DNAH8: variants seen among roughly 807,000 people sequenced by gnomAD.
The protein encoded by DNAH8 is axonemal beta dynein heavy chain 8.
In DNAH8, 382 loss-of-function variants were observed where a neutral mutation model predicts 562.1. The observed-to-expected ratio is 0.68, with a 90% CI of 0.63 to 0.74. The LOEUF (loss-of-function observed/expected upper bound fraction) is 0.74, where lower values mean the gene tolerates loss of function less well. DNAH8 is among the 30% of genes least tolerant of loss of function. The probability of loss-of-function intolerance (pLI) is 0.00; values close to 1 mark genes in which losing one functional copy is unlikely to be tolerated. For synonymous variants in DNAH8, 1,881 were observed against 1,919.4 expected (o/e 0.98, Z 0.52); for missense variants, 5,203 against 5,620.4 (o/e 0.93, Z 2.37).
At chr6:38,739,377 C>T (rs1209817262) in intron 7 of DNAH8, among the ~76,000 whole-genome samples, 1 of 152,182 alleles carries the variant, frequency 6.6e-6, no homozygotes, top group Non-Finnish European at 1.5e-5. Context: ...TTATTAAATG[C>T]TTTCCTACTC....
intron 62 of DNAH8, among the ~76,000 whole-genome samples, chr6:38,903,642 T>A (rs1253004661): frequency 1.4e-5 from 2 of 142,382 alleles, no homozygotes; most frequent in African/African-American, 5.4e-5. Context: ...AGAAGGAGTC[T>A]CACTCTGTCA....
chr6:39,009,821 C>T (rs903443702), intron 89 of DNAH8, among the ~76,000 whole-genome samples: 1 of 151,994 alleles, frequency 6.6e-6, no homozygotes, highest in Non-Finnish European at 1.5e-5. Context: ...GGTACCAAGA[C>T]CTTTGGTTAA....
intron 7 of DNAH8, among the ~76,000 whole-genome samples, chr6:38,738,721 A>G (rs540499872): frequency 1.7e-3 from 266 of 152,244 alleles, no homozygotes; most frequent in African/African-American, 6.1e-3. Context: ...CCTTTCTAGA[A>G]CTATGTTAGG....
chr6:38,848,141 C>T (rs2150382156), intron 36 of DNAH8, among the ~76,000 whole-genome samples: 1 of 152,252 alleles, frequency 6.6e-6, no homozygotes, highest in South Asian at 2.1e-4. Flanking sequence ...CTGATTTGTC[C>T]TGTCCCTTTA....
At chr6:38,871,054 A>G (rs545594790) in intron 49 of DNAH8, among the ~76,000 whole-genome samples, 2 of 152,200 alleles carry the variant, frequency 1.3e-5, no homozygotes, top group Non-Finnish European at 2.9e-5. Flanking sequence ...CATCCTTGTG[A>G]CAACCATCTA....
At chr6:38,734,321 A>T (rs1006896801) in intron 4 of DNAH8, among the ~76,000 whole-genome samples, 153 bp from the exon 5 acceptor site, 2 of 51,366 alleles carry the variant, frequency 3.9e-5, no homozygotes, top group African/African-American at 1.7e-4. Context: ...GGCATCTTCT[A>T]GTAGACCCCC....
chr6:38,908,003 T>G lies in DNAH8; in HGVS notation c.9396T>G (p.Gly3132=). 1 of 1,611,998 alleles carries G rather than the reference T, an allele frequency of 6.2e-7. No individual in the cohort carries two copies. The highest frequency in any genetic ancestry group is 8.5e-7 in the Non-Finnish European group (1 of 1,179,242). Residue 3132 remains glycine, a synonymous_variant, in exon 64 of 93, where the codon GGT becomes GGG. Coordinates refer to ENST00000327475, the MANE Select transcript of DNAH8 (RefSeq NM_001206927.2). Reference sequence around the variant, plus strand: ...ATGAGATGGATGAAATCACCCAAGGTCTGATTTCAGTGATGAAGAGGGAGC... The same window carrying G: ...ATGAGATGGATGAAATCACCCAAGGGCTGATTTCAGTGATGAAGAGGGAGC... ...ARDEMDEITQ[G]LISVMKRELP...
At chr6:38,861,381 T>C (rs2150408350) in intron 43 of DNAH8, among the ~76,000 whole-genome samples, 1 of 152,356 alleles carries the variant, frequency 6.6e-6, no homozygotes, top group East Asian at 1.9e-4. Flanking sequence ...CTAAGATCTT[T>C]ACTAAGTTTT....
At chr6:38,815,433 C>A in intron 25 of DNAH8, 35 bp from the exon 26 acceptor site, 1 of 1,543,026 alleles carries the variant, frequency 6.5e-7, no homozygotes. Flanking sequence ...CTGTATGTGC[C>A]GGCAGTATTA....
At chr6:38,747,131 C>A (rs917652499) in intron 8 of DNAH8, among the ~76,000 whole-genome samples, 1 of 152,046 alleles carries the variant, frequency 6.6e-6, no homozygotes, top group Non-Finnish European at 1.5e-5. Flanking sequence ...ATGTGCCAAG[C>A]GTTGTGTTCA....
At position 38,875,625 on chromosome 6, in the gene DNAH8, A is replaced by G; in HGVS notation, c.7655A>G (p.Lys2552Arg). ...LNLLEGLIPSKEEGGVSCVEH... is the reference protein window; with the variant it reads ...LNLLEGLIPSREEGGVSCVEH... Reference sequence around the variant, plus strand: ...CTTCTGGAAGGGTTAATTCCCTCCAAAGAAGAAGGCGGTGTTTCCTGTGTC... The same window carrying G: ...CTTCTGGAAGGGTTAATTCCCTCCAGAGAAGAAGGCGGTGTTTCCTGTGTC... The change falls in exon 53 of 93, where the codon AAA becomes AGA. Residue 2552 changes from lysine to arginine, a missense_variant. By Grantham distance (26) the Lys-to-Arg change is conservative. Transcript: ENST00000327475. 3.1e-6 allele frequency: 5 copies of G among 1,612,900 alleles called. No individual in the cohort carries two copies. The highest frequency in any genetic ancestry group is 4.2e-6 in the Non-Finnish European group (5 of 1,179,094).
chr6:38,861,694 G>C (rs2150408850), intron 43 of DNAH8, among the ~76,000 whole-genome samples: 1 of 152,208 alleles, frequency 6.6e-6, no homozygotes, highest in Non-Finnish European at 1.5e-5. Context: ...ACCACGCCTG[G>C]CTAATTTTTG....
At position 38,908,080 on chromosome 6, in the gene DNAH8, G is replaced by T; in HGVS notation, c.9473G>T (p.Arg3158Ile). 1.2e-6 allele frequency: 2 copies of T among 1,601,126 alleles called. No homozygotes were observed. Among genetic ancestry groups the T allele is most frequent in the Non-Finnish European group, 1.7e-6 (2 of 1,174,872 alleles). ...FDNLYEYFIS[R>I]SRKNLHVVLC... Reference sequence around the variant, plus strand: ...AATTTGTATGAATACTTCATTTCAAGATCAAGGAAGAACTTACATGTTGTT... The same window carrying T: ...AATTTGTATGAATACTTCATTTCAATATCAAGGAAGAACTTACATGTTGTT... Residue 3158 changes from arginine (R) to isoleucine (I), a missense_variant, in exon 64 of 93, where the codon AGA becomes ATA. Transcript: ENST00000327475.
In DNAH8 at chr6:38,906,362, T is replaced by C. The variant is rs750798606; in HGVS notation, c.9303T>C (p.Asp3101=). 1.2e-6 allele frequency: 2 copies of C among 1,610,970 alleles called. No homozygotes were observed. The highest frequency in any genetic ancestry group is 2.2e-5 in the East Asian group (1 of 44,802). ...TCTTTACTGACAGTGAAATAAAAGATGAGGCATTTCTAGAATACCTTAACA... is the reference window on the plus strand; with the variant it reads ...TCTTTACTGACAGTGAAATAAAAGACGAGGCATTTCTAGAATACCTTAACA... ...TFIFTDSEIK[D]EAFLEYLNNL... is the part of the protein sequence containing the mutation. The change falls in exon 63 of 93, where the codon GAT becomes GAC. Residue 3101 remains aspartate (D), a synonymous_variant. Transcript: ENST00000327475.
chr6:38,782,473 C>T (rs528025871), intron 16 of DNAH8, among the ~76,000 whole-genome samples: 13 of 152,074 alleles, frequency 8.5e-5, no homozygotes, highest in South Asian at 2.1e-4. Context: ...AGAGAGACAG[C>T]GTTTCACTAT....
intron 70 of DNAH8, among the ~76,000 whole-genome samples, chr6:38,920,525 C>A (rs901679430): frequency 1.3e-5 from 2 of 152,108 alleles, no homozygotes; most frequent in African/African-American, 4.8e-5. Context: ...ACAGTAATTT[C>A]ACTTGCAGAA....
chr6:38,750,659 G>A (rs1411769860), intron 9 of DNAH8, 70 bp downstream of exon 9: 1 of 951,572 alleles, frequency 1.1e-6, no homozygotes, highest in Admixed American at 2.0e-5. Flanking sequence ...TAGCTACTCA[G>A]AAGGCTGAGG....
intron 85 of DNAH8, among the ~76,000 whole-genome samples, chr6:38,981,792 A>G (rs1265969351): frequency 6.6e-6 from 1 of 151,948 alleles, no homozygotes; most frequent in Non-Finnish European, 1.5e-5. Context: ...AAACCCAAGA[A>G]CTCCAACTTG....
intron 42 of DNAH8, among the ~76,000 whole-genome samples, chr6:38,859,904 G>A (rs1272197081): frequency 1.3e-5 from 2 of 152,192 alleles, no homozygotes; most frequent in South Asian, 2.1e-4. Flanking sequence ...CCCTTCCCAT[G>A]GCCCTGTGAA....
Sources: gnomAD v4.1 joint callset for allele counts (sites outside exome capture counted in the v4.1 genomes callset) on GRCh38, gnomAD v4.1.1 for gene constraint, MANE v1.5 for transcripts, NCBI Gene and HGNC (gene_info 2026-07-23, HGNC 2026-07-21) for gene names.